The following NAT1 variants were observed in gnomAD, a reference collection of about 807,000 sequenced individuals.
NAT1 encodes the protein N-acetyltransferase 1, also known as arylamine N-acetyltransferase 1.
For missense variants in NAT1, 400 were observed against 339.2 expected, an observed-to-expected ratio of 1.18 and a Z score of -1.41; for synonymous variants, 144 against 122.6, an observed-to-expected ratio of 1.17 and a Z score of -1.16.
chr8:18,201,987 T>C (rs936054942), intron 2 of NAT1, among the ~76,000 whole-genome samples: 4 of 152,232 alleles, frequency 2.6e-5, no homozygotes, highest in Admixed American at 2.0e-4. Flanking sequence ...AAATACAACT[T>C]TCTGACATTT....
At chr8:18,195,000 C>T (rs775070238) in intron 2 of NAT1, among the ~76,000 whole-genome samples, 1 of 152,070 alleles carries the variant, frequency 6.6e-6, no homozygotes, top group Non-Finnish European at 1.5e-5. Flanking sequence ...CTCACTAATA[C>T]GTCATCCAAA....
chr8:18,204,163 T>TCTCTCTCTCTCTCTCTCTCTC (rs1563177737), intron 2 of NAT1, among the ~76,000 whole-genome samples: 4 of 148,622 alleles, frequency 2.7e-5, no homozygotes, highest in African/African-American at 7.4e-5. Flanking sequence ...TTGGATGTCT[T>TCTCTCTCTCTCTCTCTCTCTC]TCTCTCTCTC....
intron 2 of NAT1, among the ~76,000 whole-genome samples, chr8:18,176,258 G>C (rs1432189513): frequency 1.3e-5 from 2 of 152,026 alleles, no homozygotes; most frequent in Non-Finnish European, 2.9e-5. Context: ...TGTGCTTTTG[G>C]AGTCCTGTCC....
At chr8:18,181,999 C>T (rs566801865) in intron 2 of NAT1, among the ~76,000 whole-genome samples, 1 of 152,228 alleles carries the variant, frequency 6.6e-6, no homozygotes, top group African/African-American at 2.4e-5. Context: ...ATACAAATTC[C>T]CATACCCACT....
intron 2 of NAT1, among the ~76,000 whole-genome samples, chr8:18,189,327 T>C (rs1802884142): frequency 6.6e-6 from 1 of 152,144 alleles, no homozygotes; most frequent in South Asian, 2.1e-4. Context: ...CTACTTTATG[T>C]TTGTAATCTG....
At chr8:18,215,257 C>T (rs1472711189) in intron 1 of NAT1, among the ~76,000 whole-genome samples, 2 of 152,176 alleles carry the variant, frequency 1.3e-5, no homozygotes, top group Non-Finnish European at 2.9e-5. Context: ...TGAATAGTGC[C>T]ATACATTTTT....
At chr8:18,217,872 A>T (rs1309968330) in intron 1 of NAT1, among the ~76,000 whole-genome samples, 2 of 152,178 alleles carry the variant, frequency 1.3e-5, no homozygotes, top group East Asian at 3.9e-4. Flanking sequence ...CCCTTTTTAG[A>T]TAGTCTTGTA....
chr8:18,206,839 G>T (rs1803747403), upstream of NAT1, among the ~76,000 whole-genome samples: 2 of 152,062 alleles, frequency 1.3e-5, no homozygotes, highest in South Asian at 4.1e-4. Flanking sequence ...TGGGCAGTAT[G>T]GCCATTTTCA....
At chr8:18,212,238 A>G (rs1804183449) in intron 1 of NAT1, 1 of 152,240 alleles carries the variant, frequency 6.6e-6, no homozygotes, top group Non-Finnish European at 1.5e-5. Context: ...ACATAGGGAT[A>G]AATCACAATA....
intron 2 of NAT1, among the ~76,000 whole-genome samples, chr8:18,191,974 C>A (rs1353677787): frequency 6.6e-6 from 1 of 151,904 alleles, no homozygotes; most frequent in South Asian, 2.1e-4. Flanking sequence ...GCAACAAAAG[C>A]CAAAATTGAC....
At chr8:18,195,528 G>T (rs1444273116) in intron 2 of NAT1, among the ~76,000 whole-genome samples, 1 of 152,138 alleles carries the variant, frequency 6.6e-6, no homozygotes, top group Non-Finnish European at 1.5e-5. Context: ...CATCCCCAGA[G>T]AACTGTATAC....
chr8:18,186,060 G>T (rs1007002681), intron 2 of NAT1, among the ~76,000 whole-genome samples: 3 of 152,064 alleles, frequency 2.0e-5, no homozygotes, highest in African/African-American at 7.2e-5. Flanking sequence ...TGCGTTACAC[G>T]TTTGGGAACA....
In NAT1 at chr8:18,178,671, A is replaced by G. The variant is rs1285511297; in HGVS notation, n.92+7932A>G. On this transcript the variant is annotated intron_variant and non_coding_transcript_variant, in intron 2 of 4. Coordinates refer to the NAT1 transcript ENST00000517441. ...TGAATAGAATTGCAAGGCTTTCAGC[A>G]AATCCATAATGTGGACAATTGAGTC... Among the ~76,000 whole-genome samples, 4 of 152,298 alleles carry G rather than the reference A, an allele frequency of 2.6e-5. No homozygotes were observed. In the East Asian group the frequency reaches 7.7e-4, roughly 29 times the overall value.
At chr8:18,205,527 C>T (rs1292507081), upstream of NAT1, among the ~76,000 whole-genome samples, 3 of 152,176 alleles carry the variant, frequency 2.0e-5, no homozygotes, top group Admixed American at 6.5e-5. Flanking sequence ...GGCTCTGTGC[C>T]TGCCAAGTCT....
Position 18,222,638 on chromosome 8 carries a change from A to G in NAT1, c.591A>G (p.Arg197=). 6.2e-7 allele frequency: 1 copy of G among 1,613,350 alleles called. No homozygotes were observed. Among genetic ancestry groups the G allele is most frequent in the South Asian group, 1.1e-5 (1 of 90,912 alleles). ...TCTACTCCTTTACTCTTAAGCCTCG[A>G]ACAATTGAAGATTTTGAGTCTATGA... The part of the protein sequence containing the change: ...RKIYSFTLKP[R]TIEDFESMNT... Residue 197 remains arginine (R), a synonymous_variant, in exon 3 of 3, where the codon CGA becomes CGG. Coordinates refer to ENST00000307719, the MANE Select transcript of NAT1 (RefSeq NM_000662.8).
intron 2 of NAT1, among the ~76,000 whole-genome samples, chr8:18,220,654 C>G (rs1272340043): frequency 1.3e-5 from 2 of 152,078 alleles, no homozygotes; most frequent in Non-Finnish European, 2.9e-5. Context: ...TTTTTCATCT[C>G]TTGGTAAACT....
upstream of NAT1, among the ~76,000 whole-genome samples, chr8:18,208,642 G>A (rs1017622893): frequency 7.2e-5 from 11 of 152,222 alleles, no homozygotes; most frequent in Non-Finnish European, 1.6e-4. Flanking sequence ...AGGCGGCACA[G>A]TGTGAAGACA....
intron 2 of NAT1, among the ~76,000 whole-genome samples, chr8:18,181,088 G>A (rs925933300): frequency 6.6e-6 from 1 of 151,830 alleles, no homozygotes; most frequent in African/African-American, 2.4e-5. Flanking sequence ...TACTTACTTT[G>A]AGTAGTATGG....
At chr8:18,214,057 C>A (rs1023394054) in intron 1 of NAT1, among the ~76,000 whole-genome samples, 8 of 152,152 alleles carry the variant, frequency 5.3e-5, no homozygotes, top group African/African-American at 1.9e-4. Context: ...TCGTGATCCG[C>A]CCGCCTCGGC....
Sources: gnomAD v4.1 joint callset for allele counts (sites outside exome capture counted in the v4.1 genomes callset) on GRCh38, gnomAD v4.1.1 for gene constraint, MANE v1.5 for transcripts, NCBI Gene and HGNC (gene_info 2026-07-23, HGNC 2026-07-21) for gene names.